Variants in NRG4 observed in about 807,000 individuals in gnomAD.
The protein encoded by NRG4 is pro-neuregulin-4, membrane-bound isoform.
NRG4 carries 10 observed loss-of-function variants against 15.0 expected under a neutral mutation model. The observed-to-expected ratio is 0.67, with a 90% CI of 0.41 to 1.13. The LOEUF is 1.13. NRG4 is among the 50% of genes most tolerant of loss of function. The probability of loss-of-function intolerance (pLI) is 0.00; values close to 1 mark genes in which losing one functional copy is unlikely to be tolerated. For synonymous variants in NRG4, 41 were observed against 50.1 expected (o/e 0.82, Z 0.77); for missense variants, 139 against 140.2 (o/e 0.99, Z 0.04).
At chr15:75,973,201 T>C (rs2033194979) in intron 3 of NRG4, among the ~76,000 whole-genome samples, 1 of 152,210 alleles carries the variant, frequency 6.6e-6, no homozygotes, top group Non-Finnish European at 1.5e-5. Context: ...GGAATACTTG[T>C]GATTTTTGCA....
At chr15:76,010,096 AC>A (rs1269822578) in intron 2 of NRG4, among the ~76,000 whole-genome samples, 3 of 151,190 alleles carry the variant, frequency 2.0e-5, no homozygotes, top group Admixed American at 2.0e-4. Flanking sequence ...TTCTAGCCTC[AC>A]CCCCAAGACC....
chr15:76,026,802 G>T (rs1292167461), intron 5 of NRG4, among the ~76,000 whole-genome samples: 1 of 152,140 alleles, frequency 6.6e-6, no homozygotes, highest in Non-Finnish European at 1.5e-5. Context: ...CCATTTAAAA[G>T]ATATAGATTG....
At chr15:76,006,497 CT>C (rs1051480040) in intron 3 of NRG4, among the ~76,000 whole-genome samples, 13 of 152,156 alleles carry the variant, frequency 8.5e-5, no homozygotes, top group African/African-American at 3.1e-4. Context: ...CTCAGTCGCC[CT>C]TTTGTTCCCT....
intron 5 of NRG4, among the ~76,000 whole-genome samples, chr15:76,025,314 T>C (rs2035280850): frequency 6.6e-6 from 1 of 151,886 alleles, no homozygotes; most frequent in Non-Finnish European, 1.5e-5. Context: ...TGGCGGGCGC[T>C]TGTAGTCCCA....
chr15:76,037,111 CA>C (rs1468194065), intron 4 of NRG4, among the ~76,000 whole-genome samples: 1 of 152,036 alleles, frequency 6.6e-6, no homozygotes, highest in Non-Finnish European at 1.5e-5. Flanking sequence ...TCTGAAAAAG[CA>C]ATCAAAAAAG....
At chr15:76,044,934 G>T (rs1310811353) in intron 4 of NRG4, among the ~76,000 whole-genome samples, 1 of 149,780 alleles carries the variant, frequency 6.7e-6, no homozygotes, top group African/African-American at 2.5e-5. Context: ...AAGTTAAAAG[G>T]TTTCTACACA....
chr15:75,959,200 C>A, intron 4 of NRG4: 1 of 305,670 alleles, frequency 3.3e-6, no homozygotes, highest in Non-Finnish European at 6.6e-6. Context: ...GTTGTCCAGG[C>A]TGGTCTTAAA....
At position 76,051,814 on chromosome 15, in the gene NRG4, G is replaced by A. The variant is rs542889831; in HGVS notation, c.-105+253C>T. ...TCTTGATCTCCTGACCTTGTGATCC[G>A]CCCACCTCAGCCTCCCAAAGTGCTA... On this transcript the variant is annotated intron_variant, in intron 4 of 8. Transcript: ENST00000563910. Among the ~76,000 whole-genome samples, 6 of 149,844 alleles carry A rather than the reference G, an allele frequency of 4.0e-5. 1 individual carries two copies. The highest frequency in any genetic ancestry group is 2.1e-4 in the South Asian group (1 of 4,766).
chr15:76,060,075 T>G (rs2036263923), upstream of NRG4: 1 of 124,076 alleles, frequency 8.1e-6, no homozygotes, highest in Non-Finnish European at 1.7e-5. Context: ...GCCCGAGTCT[T>G]GTGGTCGGGG....
chr15:75,954,314 GT>G (rs2032096359), intron 5 of NRG4, among the ~76,000 whole-genome samples: 1 of 149,782 alleles, frequency 6.7e-6, no homozygotes, highest in African/African-American at 2.5e-5. Context: ...TGGAAGTTTG[GT>G]TTGGGTCCTT....
At chr15:76,021,053 C>G (rs953170700) in intron 5 of NRG4, among the ~76,000 whole-genome samples, 3 of 152,186 alleles carry the variant, frequency 2.0e-5, no homozygotes, top group African/African-American at 7.2e-5. Context: ...TTCTAAGCTT[C>G]GAAGGACAGG....
At chr15:75,953,333 A>G (rs538938607) in intron 5 of NRG4, among the ~76,000 whole-genome samples, 1 of 152,332 alleles carries the variant, frequency 6.6e-6, no homozygotes, top group South Asian at 2.1e-4. Flanking sequence ...CTATAAATGT[A>G]AGAAGGTATG....
intron 3 of NRG4, among the ~76,000 whole-genome samples, chr15:75,984,502 C>T (rs2033720446): frequency 6.6e-6 from 1 of 152,068 alleles, no homozygotes; most frequent in African/African-American, 2.4e-5. Flanking sequence ...ATGGATGAAG[C>T]TGGAAACCAT....
chr15:75,937,202 T>TATCA (rs1417166996), downstream of NRG4: 1 of 150,176 alleles, frequency 6.7e-6, no homozygotes, highest in Non-Finnish European at 1.5e-5. Flanking sequence ...TTTGTTTGCC[T>TATCA]ATCAAAACAT....
At chr15:76,033,363 C>G (rs2035522750) in intron 5 of NRG4, among the ~76,000 whole-genome samples, 1 of 152,090 alleles carries the variant, frequency 6.6e-6, no homozygotes, top group Non-Finnish European at 1.5e-5. Context: ...CAAGATCAGC[C>G]TGGGAAACAT....
chr15:75,961,563 G>C (rs763593190), intron 4 of NRG4, among the ~76,000 whole-genome samples: 4 of 152,118 alleles, frequency 2.6e-5, no homozygotes, highest in Non-Finnish European at 5.9e-5. Flanking sequence ...GGTGCTTTTG[G>C]CATATTTGCT....
chr15:75,946,530 T>A (rs1298623643), intron 5 of NRG4, among the ~76,000 whole-genome samples: 3 of 152,060 alleles, frequency 2.0e-5, no homozygotes, highest in Non-Finnish European at 4.4e-5. Context: ...GCTAATTTTT[T>A]TTGTATTTTT....
At chr15:76,038,363 G>C (rs181989308) in intron 4 of NRG4, among the ~76,000 whole-genome samples, 1 of 152,200 alleles carries the variant, frequency 6.6e-6, no homozygotes, top group African/African-American at 2.4e-5. Context: ...ACATGGCCTG[G>C]GCCAGAGGGG....
At chr15:75,962,052 GA>G in intron 3 of NRG4, 78 bp from the exon 4 acceptor site, 1 of 1,105,634 alleles carries the variant, frequency 9.0e-7, no homozygotes, top group Non-Finnish European at 1.3e-6. Context: ...GTTTCCAGAT[GA>G]CGTGAAGAAA....
Sources: allele counts gnomAD v4.1 joint callset (sites outside exome capture counted in the v4.1 genomes callset), GRCh38; gene constraint gnomAD v4.1.1; transcripts MANE v1.5; gene names NCBI Gene and HGNC (gene_info 2026-07-23, HGNC 2026-07-21).